The following ERI3 variants were observed in gnomAD, a reference collection of about 807,000 sequenced individuals.
The protein encoded by ERI3 is ERI1 exoribonuclease 3.
A neutral mutation model predicts 44.4 loss-of-function variants in ERI3; 18 were observed. The ratio of observed to expected loss-of-function variants is 0.41; its 90% CI spans 0.28 to 0.60. The LOEUF is 0.60. Among genes scored for constraint, ERI3 ranks in the 20% least tolerant of loss-of-function variants. ERI3 has a pLI of 0.36. For synonymous variants in ERI3, 183 were observed against 164.8 expected, an observed-to-expected ratio of 1.11 and a Z score of -0.84; for missense variants, 294 against 435.5, an observed-to-expected ratio of 0.68 and a Z score of 2.89.
At chr1:44,352,658 T>G (rs989358487) in intron 2 of ERI3, among the ~76,000 whole-genome samples, 192 bp downstream of exon 2, 1 of 152,170 alleles carries the variant, frequency 6.6e-6, no homozygotes, top group Admixed American at 6.5e-5. Flanking sequence ...TTAGAAACTT[T>G]AAGTAAGTTT....
chr1:44,326,260 T>G (rs1049737803), intron 3 of ERI3, among the ~76,000 whole-genome samples: 1 of 152,172 alleles, frequency 6.6e-6, no homozygotes, highest in African/African-American at 2.4e-5. Context: ...TACCCAAATA[T>G]TTAGTTTTGG....
At chr1:44,342,522 A>G (rs1400183509) in intron 2 of ERI3, among the ~76,000 whole-genome samples, 1 of 151,330 alleles carries the variant, frequency 6.6e-6, no homozygotes, top group Non-Finnish European at 1.5e-5. Flanking sequence ...TGTGTATCAG[A>G]TAGATAGATG....
At chr1:44,229,595 G>C (rs1333168965) in intron 8 of ERI3, among the ~76,000 whole-genome samples, 1 of 152,172 alleles carries the variant, frequency 6.6e-6, no homozygotes, top group Non-Finnish European at 1.5e-5. Flanking sequence ...CAGGACCTGA[G>C]AGGCTATAAT....
intron 6 of ERI3, among the ~76,000 whole-genome samples, chr1:44,297,722 T>C (rs942503245): frequency 2.0e-5 from 3 of 152,168 alleles, no homozygotes; most frequent in Non-Finnish European, 1.5e-5. Context: ...TAGCACAAAG[T>C]AATGTCTCCA....
chr1:44,307,753 TC>T (rs906528841), intron 6 of ERI3, among the ~76,000 whole-genome samples: 1 of 152,184 alleles, frequency 6.6e-6, no homozygotes, highest in Admixed American at 6.5e-5. Context: ...ACCACTGGGC[TC>T]CCAGTTGGTT....
intron 6 of ERI3, among the ~76,000 whole-genome samples, chr1:44,297,263 T>C (rs1364215902): frequency 2.0e-5 from 3 of 151,998 alleles, no homozygotes; most frequent in East Asian, 1.9e-4. Flanking sequence ...CCACTCATAG[T>C]TGCCCTTCCC....
chr1:44,307,578 T>A (rs972105754), intron 6 of ERI3, among the ~76,000 whole-genome samples: 2 of 152,176 alleles, frequency 1.3e-5, no homozygotes, highest in Non-Finnish European at 2.9e-5. Flanking sequence ...CATGTATCCA[T>A]GAGGGCAGAC....
chr1:44,244,860 A>G (rs1197705505), intron 8 of ERI3, among the ~76,000 whole-genome samples: 2 of 151,418 alleles, frequency 1.3e-5, no homozygotes, highest in Non-Finnish European at 2.9e-5. Flanking sequence ...GCACCTCCAC[A>G]CCACCCATGC....
At chr1:44,270,891 G>A (rs1394855856) in intron 7 of ERI3, among the ~76,000 whole-genome samples, 2 of 152,248 alleles carry the variant, frequency 1.3e-5, no homozygotes, top group African/African-American at 4.8e-5. Flanking sequence ...AGCTGAGGGT[G>A]TGCCAAGCTG....
rs114839254 is a variant in ERI3 at position 44,290,994 on chromosome 1, G to C, written c.759-6087C>G. Among the ~76,000 whole-genome samples, 1,141 of 152,310 alleles carry C rather than the reference G, an allele frequency of 7.5e-3. 9 individuals carry two copies. Among genetic ancestry groups the C allele is most frequent in the African/African-American group, 0.025 (1,058 of 41,548 alleles). On this transcript the variant is annotated intron_variant, in intron 6 of 8. Transcript: ENST00000372257. Reference sequence around the variant, plus strand: ...CACGAGGCTGGGACGTTAGTTATCTGCCCGTGACACCTTTTATCTCTGCAC... The same window carrying C: ...CACGAGGCTGGGACGTTAGTTATCTCCCCGTGACACCTTTTATCTCTGCAC...
In ERI3 at chr1:44,277,515, T is replaced by C. The variant is rs186831539; in HGVS notation, c.831+7320A>G. On this transcript the variant is annotated intron_variant, in intron 7 of 8. Transcript: ENST00000372257. ...CCACCTCCTCATTTCTCATTTACTC[T>C]TTAGTTCACTCCAATTTGGCTCCTG... Among the ~76,000 whole-genome samples, 28 of 152,352 alleles carry C rather than the reference T, an allele frequency of 1.8e-4. No homozygotes were observed. In the East Asian group the frequency reaches 4.0e-3, roughly 22 times the overall value.
intron 2 of ERI3, among the ~76,000 whole-genome samples, chr1:44,349,682 T>C (rs1166519135): frequency 1.3e-5 from 2 of 152,198 alleles, no homozygotes; most frequent in Non-Finnish European, 2.9e-5. Flanking sequence ...ATTAATTATA[T>C]AAAATTTGAT....
intron 8 of ERI3, among the ~76,000 whole-genome samples, chr1:44,232,232 G>A (rs1238576028): frequency 1.3e-5 from 2 of 152,208 alleles, no homozygotes; most frequent in Non-Finnish European, 2.9e-5. Flanking sequence ...TTACAACATA[G>A]AACTCACTGA....
At chr1:44,297,240 G>T (rs1298949119) in intron 6 of ERI3, among the ~76,000 whole-genome samples, 1 of 151,940 alleles carries the variant, frequency 6.6e-6, no homozygotes, top group Non-Finnish European at 1.5e-5. Flanking sequence ...GGGACACTGA[G>T]AATTTATCCC....
At chr1:44,343,396 T>C (rs930448084) in intron 2 of ERI3, among the ~76,000 whole-genome samples, 1 of 152,154 alleles carries the variant, frequency 6.6e-6, no homozygotes, top group African/African-American at 2.4e-5. Flanking sequence ...GTGATCAAAG[T>C]GAACATTATC....
chr1:44,310,091 C>T (rs1645921600), intron 5 of ERI3, among the ~76,000 whole-genome samples: 1 of 152,116 alleles, frequency 6.6e-6, no homozygotes, highest in Non-Finnish European at 1.5e-5. Context: ...GTTTTAAGTA[C>T]CTACCACAAA....
At chr1:44,269,541 C>G (rs1645051193) in intron 7 of ERI3, among the ~76,000 whole-genome samples, 1 of 152,216 alleles carries the variant, frequency 6.6e-6, no homozygotes, top group African/African-American at 2.4e-5. Flanking sequence ...GGTGAATGCA[C>G]TTCTTTAAAC....
chr1:44,265,418 T>C (rs1490898292), intron 7 of ERI3, among the ~76,000 whole-genome samples: 1 of 152,160 alleles, frequency 6.6e-6, no homozygotes, highest in African/African-American at 2.4e-5. Flanking sequence ...ATGAGAAAGC[T>C]TGCATGCTTT....
intron 6 of ERI3, among the ~76,000 whole-genome samples, chr1:44,298,181 C>T (rs1645650024): frequency 6.6e-6 from 1 of 152,204 alleles, no homozygotes; most frequent in South Asian, 2.1e-4. Context: ...ATACCTAGAG[C>T]AGTGCAGAGC....
Sources: gnomAD v4.1 joint callset for allele counts (sites outside exome capture counted in the v4.1 genomes callset) on GRCh38, gnomAD v4.1.1 for gene constraint, MANE v1.5 for transcripts, NCBI Gene and HGNC (gene_info 2026-07-23, HGNC 2026-07-21) for gene names.